Variants in ANKRD13C observed in about 807,000 individuals in gnomAD.
ANKRD13C encodes ankyrin repeat domain 13C, also known as ankyrin repeat domain-containing protein 13C.
Under a neutral mutation model 65.5 loss-of-function variants are expected in ANKRD13C, and 16 were observed. That is an observed-to-expected ratio of 0.24 (90% CI 0.17 to 0.37). ANKRD13C has a LOEUF of 0.37. Among genes scored for constraint, ANKRD13C ranks in the 10% least tolerant of loss-of-function variants. The probability of loss-of-function intolerance (pLI) is 1.00; values close to 1 mark genes in which losing one functional copy is unlikely to be tolerated. For synonymous variants in ANKRD13C, 235 were observed against 238.7 expected, an observed-to-expected ratio of 0.98 and a Z score of 0.14; for missense variants, 503 against 655.9, an observed-to-expected ratio of 0.77 and a Z score of 2.55.
chr1:70,272,516 G>A (rs977232129), intron 11 of ANKRD13C, among the ~76,000 whole-genome samples: 4 of 151,742 alleles, frequency 2.6e-5, no homozygotes, highest in Non-Finnish European at 4.4e-5. Flanking sequence ...CACCATGTCC[G>A]GCTCCTTATT....
intron 12 of ANKRD13C, among the ~76,000 whole-genome samples, chr1:70,265,219 G>T (rs1039196110): frequency 6.6e-6 from 1 of 152,106 alleles, no homozygotes; most frequent in Non-Finnish European, 1.5e-5. Context: ...TATAATACAA[G>T]GTGACAAGAG....
intron 9 of ANKRD13C, among the ~76,000 whole-genome samples, chr1:70,286,680 T>G (rs1193331920): frequency 1.3e-5 from 2 of 152,210 alleles, no homozygotes; most frequent in African/African-American, 4.8e-5. Context: ...AAATCCTAAG[T>G]AATATACAAA....
At chr1:70,306,085 T>C (rs1043434680) in intron 6 of ANKRD13C, 139 bp downstream of exon 6, 4 of 476,590 alleles carry the variant, frequency 8.4e-6, no homozygotes, top group Non-Finnish European at 1.1e-5. Flanking sequence ...ATCTATTATG[T>C]CTCGAATGAG....
chr1:70,352,285 A>G (rs1436045599), intron 1 of ANKRD13C, among the ~76,000 whole-genome samples: 1 of 140,974 alleles, frequency 7.1e-6, no homozygotes, highest in Non-Finnish European at 1.5e-5. Context: ...GCTTGCAGTG[A>G]GCGGAGATTG....
chr1:70,318,840 G>A (rs1681183325), intron 3 of ANKRD13C, among the ~76,000 whole-genome samples: 1 of 151,948 alleles, frequency 6.6e-6, no homozygotes, highest in South Asian at 2.1e-4. Context: ...GCGCCACCAT[G>A]CCCAGCTAAT....
At chr1:70,277,038 A>G (rs543249568) in intron 9 of ANKRD13C, among the ~76,000 whole-genome samples, 194 bp from the exon 10 acceptor site, 3 of 151,570 alleles carry the variant, frequency 2.0e-5, no homozygotes, top group Non-Finnish European at 4.4e-5. Flanking sequence ...TTTATTATCA[A>G]TTTTTTTTTA....
At chr1:70,317,606 G>A (rs1408053536) in intron 3 of ANKRD13C, among the ~76,000 whole-genome samples, 1 of 152,050 alleles carries the variant, frequency 6.6e-6, no homozygotes, top group Non-Finnish European at 1.5e-5. Context: ...AAAAGTCTGA[G>A]AATCAATGAC....
At chr1:70,339,077 T>C (rs895798194) in intron 1 of ANKRD13C, among the ~76,000 whole-genome samples, 5 of 151,938 alleles carry the variant, frequency 3.3e-5, no homozygotes, top group African/African-American at 1.2e-4. Context: ...CCGGGTGTGG[T>C]AGCGCACCCT....
chr1:70,352,838 T>C (rs1016545918), intron 1 of ANKRD13C, among the ~76,000 whole-genome samples: 8 of 152,364 alleles, frequency 5.3e-5, no homozygotes, highest in South Asian at 4.1e-4. Flanking sequence ...TGATAGGTGG[T>C]GATTTTATTA....
intron 4 of ANKRD13C, 101 bp from the exon 5 acceptor site, chr1:70,313,891 A>G (rs1680958761): frequency 1.3e-6 from 1 of 749,540 alleles, no homozygotes; most frequent in South Asian, 1.9e-5. Flanking sequence ...TACATGCATT[A>G]CTATACTTAA....
At chr1:70,276,974 T>C (rs2101146952) in intron 9 of ANKRD13C, 130 bp from the exon 10 acceptor site, 1 of 697,252 alleles carries the variant, frequency 1.4e-6, no homozygotes, top group African/African-American at 1.8e-5. Context: ...ATATAATACT[T>C]GAAAAGGTTC....
At chr1:70,297,648 G>A (rs1214922332) in intron 7 of ANKRD13C, among the ~76,000 whole-genome samples, 1 of 148,246 alleles carries the variant, frequency 6.7e-6, no homozygotes, top group Non-Finnish European at 1.5e-5. Context: ...GGGCTAGGTG[G>A]CTCATGCCTG....
At chr1:70,283,521 G>T (rs1347585686) in intron 9 of ANKRD13C, among the ~76,000 whole-genome samples, 1 of 151,140 alleles carries the variant, frequency 6.6e-6, no homozygotes, top group African/African-American at 2.4e-5. Flanking sequence ...TTTAAATAAA[G>T]AAAAAAAAAT....
At chr1:70,293,655 T>G (rs1679955019) in intron 8 of ANKRD13C, 2 of 663,922 alleles carry the variant, frequency 3.0e-6, no homozygotes, top group Non-Finnish European at 3.7e-6. Flanking sequence ...CAAATAAGAC[T>G]TTAAAGCCAA....
intron 2 of ANKRD13C, among the ~76,000 whole-genome samples, chr1:70,329,798 A>C (rs1305910630): frequency 6.6e-6 from 1 of 152,060 alleles, no homozygotes; most frequent in Non-Finnish European, 1.5e-5. Flanking sequence ...AATTTAAAAA[A>C]AAAAGAACTG....
At chr1:70,351,703 C>T (rs992826213) in intron 1 of ANKRD13C, among the ~76,000 whole-genome samples, 1 of 152,020 alleles carries the variant, frequency 6.6e-6, no homozygotes, top group Admixed American at 6.6e-5. Flanking sequence ...CCTGGCCAAG[C>T]TTGCTGTTGT....
chr1:70,271,388 A>G (rs1678872896), intron 11 of ANKRD13C, among the ~76,000 whole-genome samples: 1 of 152,214 alleles, frequency 6.6e-6, no homozygotes, highest in Non-Finnish European at 1.5e-5. Context: ...CTACAATTTC[A>G]TAATATCTCT....
In ANKRD13C at chr1:70,354,567, G is replaced by C; in HGVS notation, c.-159C>G. On this transcript the variant is annotated 5_prime_UTR_variant, in exon 1 of 13. Transcript: ENST00000370944. The stretch of plus-strand genomic sequence containing the variant: ...AGCCTGGGACAAACGCATCTCCCGG[G>C]GAAGAGCCGGCTCTCGCCTAGGCAC... 1 of 1,426,294 alleles carries C rather than the reference G, an allele frequency of 7.0e-7. No homozygotes were observed. The highest frequency in any genetic ancestry group is 9.2e-7 in the Non-Finnish European group (1 of 1,092,110). 88.4% of individuals were successfully genotyped at this position (1,426,294 alleles called of 1,614,324 possible).
chr1:70,302,534 G>A (rs1179305597), intron 6 of ANKRD13C, among the ~76,000 whole-genome samples: 1 of 142,078 alleles, frequency 7.0e-6, no homozygotes, highest in Non-Finnish European at 1.5e-5. Flanking sequence ...AGACCATCCC[G>A]GCTAAAACGG....
Sources: allele counts gnomAD v4.1 joint callset (sites outside exome capture counted in the v4.1 genomes callset), GRCh38; gene constraint gnomAD v4.1.1; transcripts MANE v1.5; gene names NCBI Gene and HGNC (gene_info 2026-07-23, HGNC 2026-07-21).